The following COL4A4 variants were observed in gnomAD, a reference collection of about 807,000 sequenced individuals.
The protein encoded by COL4A4 is collagen type IV alpha 4 chain.
Under a neutral mutation model 192.9 loss-of-function variants are expected in COL4A4, and 105 were observed. That is an observed-to-expected ratio of 0.54 (90% CI 0.46 to 0.64). The LOEUF (loss-of-function observed/expected upper bound fraction) is 0.64. Ranked by LOEUF, COL4A4 falls within the 30% of genes least tolerant of loss-of-function variation. The pLI is 0.00. For missense variants in COL4A4, 1,967 were observed against 2,169.3 expected (o/e 0.91, Z 1.85); for synonymous variants, 762 against 769.9 (o/e 0.99, Z 0.17).
chr2:227,060,182 T>G lies in COL4A4; in HGVS notation c.2118A>C (p.Lys706Asn), dbSNP rs1187070950. The G allele has an allele frequency of 6.2e-7, 1 of 1,607,826 alleles. No homozygotes were observed. Among genetic ancestry groups the G allele is most frequent in the Admixed American group, 1.7e-5 (1 of 59,478 alleles). Residue 706 changes from lysine (K) to asparagine (N), a missense_variant, in exon 27 of 48, where the codon AAA (lysine) becomes AAC (asparagine). Lys to Asn is a moderately conservative substitution (Grantham distance 94). Transcript: ENST00000396625. ...CTGTTCCTGGTGTGCCAGGTCTGCC[T>G]TTATGCCCATCTGAACCACTCAGCC... Reference protein sequence around the residue: ...APGLSGSDGHKGRPGTPGTAE... With the variant: ...APGLSGSDGHNGRPGTPGTAE...
the COL4A4 span, among the ~76,000 whole-genome samples, chr2:226,978,789 GAC>G: frequency 6.6e-6 from 1 of 152,188 alleles, no homozygotes; most frequent in African/African-American, 2.4e-5. Context: ...GTGATCAGAG[GAC>G]ACAGTCACTT....
chr2:227,149,017 T>C (rs1418420985), intron 1 of COL4A4, among the ~76,000 whole-genome samples: 2 of 151,922 alleles, frequency 1.3e-5, no homozygotes, highest in Non-Finnish European at 2.9e-5. Context: ...TATTTATTTA[T>C]TTTTTATTTT....
intron 35 of COL4A4, among the ~76,000 whole-genome samples, chr2:227,046,300 T>G (rs184868026): frequency 6.6e-6 from 1 of 151,730 alleles, no homozygotes; most frequent in Non-Finnish European, 1.5e-5. Context: ...TTGTATGAAA[T>G]GAAACACAGC....
At chr2:227,033,654 A>G (rs1386236574) in intron 37 of COL4A4, among the ~76,000 whole-genome samples, 173 bp from the exon 38 acceptor site, 1 of 152,208 alleles carries the variant, frequency 6.6e-6, no homozygotes, top group East Asian at 1.9e-4. Flanking sequence ...TATTTAACAC[A>G]TTCATCCGGT....
intron 42 of COL4A4, among the ~76,000 whole-genome samples, chr2:227,026,984 G>GT (rs1463542372): frequency 1.3e-5 from 2 of 152,210 alleles, no homozygotes; most frequent in African/African-American, 4.8e-5. Context: ...GCCAAGCACA[G>GT]TGGCTCATGC....
the COL4A4 span, among the ~76,000 whole-genome samples, chr2:226,969,691 C>T: frequency 6.6e-6 from 1 of 152,136 alleles, no homozygotes; most frequent in Admixed American, 6.5e-5. Flanking sequence ...AAGCCATATG[C>T]ATTTTGAAGG....
chr2:227,042,079 A>G (rs1221780893), intron 37 of COL4A4, 69 bp downstream of exon 37: 1 of 984,486 alleles, frequency 1.0e-6, no homozygotes, highest in Non-Finnish European at 1.7e-6. Context: ...TGGTACAGGA[A>G]AAAAACACCA....
chr2:227,102,617 T>C (rs2060586532), intron 15 of COL4A4, among the ~76,000 whole-genome samples, 172 bp downstream of exon 15: 1 of 152,194 alleles, frequency 6.6e-6, no homozygotes, highest in African/African-American at 2.4e-5. Context: ...ATGATGTCAA[T>C]GGAAGGATGC....
At chr2:227,105,346 C>A (rs1460248833) in intron 12 of COL4A4, among the ~76,000 whole-genome samples, 1 of 151,880 alleles carries the variant, frequency 6.6e-6, no homozygotes. Flanking sequence ...AATGCACCAT[C>A]GTGCCCAGCT....
intron 37 of COL4A4, among the ~76,000 whole-genome samples, chr2:227,041,828 G>GAA (rs763274292): frequency 1.3e-4 from 7 of 51,916 alleles, no homozygotes; most frequent in African/African-American, 5.1e-4. Flanking sequence ...AAGAAAGAAA[G>GAA]AAAGAAAGAA....
downstream of COL4A4, among the ~76,000 whole-genome samples, chr2:227,002,454 G>A (rs553058563): frequency 6.6e-6 from 1 of 152,166 alleles, no homozygotes; most frequent in Non-Finnish European, 1.5e-5. Flanking sequence ...CATGCCCACT[G>A]ACCACTGCCC....
At chr2:226,984,455 C>A in the COL4A4 span, among the ~76,000 whole-genome samples, 5 of 152,206 alleles carry the variant, frequency 3.3e-5, no homozygotes, top group Non-Finnish European at 7.3e-5. Flanking sequence ...CCAATGCCAT[C>A]ACGGGGGCTC....
At chr2:227,026,787 T>C (rs1966911245) in intron 42 of COL4A4, among the ~76,000 whole-genome samples, 1 of 152,128 alleles carries the variant, frequency 6.6e-6, no homozygotes, top group South Asian at 2.1e-4. Flanking sequence ...TTAAACTGAA[T>C]AGCTTTCTCC....
chr2:227,111,575 G>A (rs1383147980), intron 9 of COL4A4, 103 bp downstream of exon 9: 2 of 1,260,402 alleles, frequency 1.6e-6, no homozygotes, highest in East Asian at 4.6e-5. Flanking sequence ...TTTGCACTAG[G>A]TGAGCCGCAC....
chr2:227,160,904 C>A (rs1465688001), intron 1 of COL4A4, among the ~76,000 whole-genome samples: 1 of 152,030 alleles, frequency 6.6e-6, no homozygotes, highest in Non-Finnish European at 1.5e-5. Context: ...CACCCAAGAG[C>A]CTAATTGTTT....
intron 28 of COL4A4, 106 bp downstream of exon 28, chr2:227,059,299 G>A: frequency 2.1e-6 from 2 of 959,056 alleles, no homozygotes; most frequent in Non-Finnish European, 3.4e-6. Flanking sequence ...TGGGTAAACT[G>A]TTTATATTCT....
intron 34 of COL4A4, among the ~76,000 whole-genome samples, chr2:227,048,775 G>C (rs1057039761): frequency 6.6e-6 from 1 of 152,186 alleles, no homozygotes; most frequent in Non-Finnish European, 1.5e-5. Context: ...ATGGTAAAGA[G>C]ACTAATAAAT....
chr2:227,145,269 G>A (rs958035678), intron 2 of COL4A4, among the ~76,000 whole-genome samples: 3 of 152,098 alleles, frequency 2.0e-5, no homozygotes, highest in Admixed American at 6.5e-5. Flanking sequence ...CCAGCATGAC[G>A]AAACCCCATC....
chr2:227,157,951 C>T (rs2125524173), intron 1 of COL4A4, among the ~76,000 whole-genome samples: 1 of 152,120 alleles, frequency 6.6e-6, no homozygotes, highest in South Asian at 2.1e-4. Flanking sequence ...AAAGATATTA[C>T]AGGAAAACTA....
Sources: gnomAD v4.1 joint callset for allele counts (sites outside exome capture counted in the v4.1 genomes callset) on GRCh38, gnomAD v4.1.1 for gene constraint, MANE v1.5 for transcripts, NCBI Gene and HGNC (gene_info 2026-07-23, HGNC 2026-07-21) for gene names.